The following KDM4C variants were observed in gnomAD, a reference collection of about 807,000 sequenced individuals.
The protein encoded by KDM4C is lysine-specific demethylase 4C.
A neutral mutation model predicts 129.3 loss-of-function variants in KDM4C; 81 were observed. The ratio of observed to expected loss-of-function variants is 0.63; its 90% confidence interval spans 0.52 to 0.75. The LOEUF is 0.75. Ranked by LOEUF, KDM4C falls within the 30% of genes least tolerant of loss-of-function variation. The pLI, the probability that KDM4C is intolerant of heterozygous loss-of-function variation, is 0.00. For synonymous variants in KDM4C, 573 were observed against 456.1 expected, an observed-to-expected ratio of 1.26 and a Z score of -3.26; for missense variants, 1,457 against 1,304.0, an observed-to-expected ratio of 1.12 and a Z score of -1.81.
intron 12 of KDM4C, among the ~76,000 whole-genome samples, chr9:6,998,044 G>C (rs1353004267): frequency 6.6e-6 from 1 of 152,170 alleles, no homozygotes; most frequent in Non-Finnish European, 1.5e-5. Context: ...TTTTGGGTCT[G>C]ATTTTCTCTA....
intron 18 of KDM4C, among the ~76,000 whole-genome samples, chr9:7,125,541 T>A (rs1208828611): frequency 6.6e-6 from 1 of 152,238 alleles, no homozygotes; most frequent in Admixed American, 6.5e-5. Context: ...TGGGAATGTC[T>A]TTGTTTGGTT....
At chr9:6,977,243 A>G (rs968612585) in intron 8 of KDM4C, among the ~76,000 whole-genome samples, 2 of 152,170 alleles carry the variant, frequency 1.3e-5, no homozygotes, top group Non-Finnish European at 2.9e-5. Context: ...GATCTTCTAC[A>G]TTGGGTTCTT....
At chr9:6,733,889 G>C (rs989406038) in intron 1 of KDM4C, among the ~76,000 whole-genome samples, 8 of 152,144 alleles carry the variant, frequency 5.3e-5, no homozygotes, top group Non-Finnish European at 2.9e-5. Flanking sequence ...TTTGTAAACT[G>C]TCATGGCGCT....
intron 4 of KDM4C, among the ~76,000 whole-genome samples, chr9:6,840,066 C>T (rs962700457): frequency 1.3e-5 from 2 of 151,680 alleles, no homozygotes; most frequent in East Asian, 1.9e-4. Flanking sequence ...ACTAACTGTT[C>T]TGTTATAATT....
chr9:6,945,910 C>T lies in KDM4C; in HGVS notation c.922-35015C>T, dbSNP rs528198017. Among the ~76,000 whole-genome samples, 387 of 152,234 alleles carry T rather than the reference C, an allele frequency of 2.5e-3. 2 individuals carry two copies. Among genetic ancestry groups the T allele is most frequent in the African/African-American group, 9.1e-3 (379 of 41,540 alleles). ...AATCAGAAGCAGCACAGTTGGAACT[C>T]ACAGATTTTATGATATTTTATTTGG... On this transcript the variant is annotated intron_variant, in intron 8 of 21. Transcript: ENST00000381309.
At chr9:7,082,047 G>T (rs1010834819) in intron 17 of KDM4C, among the ~76,000 whole-genome samples, 2 of 152,136 alleles carry the variant, frequency 1.3e-5, no homozygotes, top group Non-Finnish European at 2.9e-5. Context: ...AAGCATCATG[G>T]TGGCCCTGAG....
At chr9:6,998,964 C>T (rs1214992775) in intron 12 of KDM4C, among the ~76,000 whole-genome samples, 5 of 152,100 alleles carry the variant, frequency 3.3e-5, no homozygotes, top group African/African-American at 9.7e-5. Flanking sequence ...TGGGATTTCC[C>T]GTGGTATTTT....
intron 4 of KDM4C, among the ~76,000 whole-genome samples, chr9:6,822,268 A>G (rs1833163165): frequency 6.6e-6 from 1 of 152,234 alleles, no homozygotes. Context: ...ATGGCCTTCA[A>G]AGCCTAATAT....
chr9:6,840,603 G>A (rs1439952134), intron 4 of KDM4C, among the ~76,000 whole-genome samples: 4 of 151,956 alleles, frequency 2.6e-5, no homozygotes, highest in African/African-American at 9.7e-5. Context: ...CACCATATTG[G>A]CCAGGCTGGT....
rs1830134347 is a variant in KDM4C, at chr9:6,962,030, T to G, written c.922-18895T>G. Among the ~76,000 whole-genome samples, 3 of 152,174 alleles carry G rather than the reference T, an allele frequency of 2.0e-5. No individual in the cohort carries two copies. In the South Asian group the frequency reaches 6.2e-4, roughly 31 times the overall value. On this transcript the variant is annotated intron_variant, in intron 8 of 21. Transcript: ENST00000381309. ...TGGTAACATTAACTTCGTTATGTACTTATGTCAGAGTCGTGAGGAACCCTA... is the reference window on the plus strand; with the variant it reads ...TGGTAACATTAACTTCGTTATGTACGTATGTCAGAGTCGTGAGGAACCCTA...
intron 17 of KDM4C, chr9:7,076,633 C>A: frequency 7.4e-7 from 1 of 1,347,498 alleles, no homozygotes; most frequent in Non-Finnish European, 9.5e-7. Context: ...TTGAGTCAGA[C>A]CCTGGACTTT....
intron 8 of KDM4C, among the ~76,000 whole-genome samples, chr9:6,913,809 C>T (rs1819785239): frequency 6.6e-6 from 1 of 152,204 alleles, no homozygotes; most frequent in Non-Finnish European, 1.5e-5. Flanking sequence ...GTGTATTTGA[C>T]ATCCTTTGAG....
intron 3 of KDM4C, among the ~76,000 whole-genome samples, chr9:6,811,160 CTT>C (rs1006437594): frequency 6.6e-6 from 1 of 151,184 alleles, no homozygotes; most frequent in Non-Finnish European, 1.5e-5. Flanking sequence ...GCTGGGCTGT[CTT>C]TTTTTTTCTG....
chr9:6,859,496 A>G lies in KDM4C; in HGVS notation c.629+9796A>G, dbSNP rs1268188006. 5.4e-5 allele frequency among the ~76,000 whole-genome samples: 8 copies of G among 148,080 alleles called. No individual in the cohort carries two copies. In the East Asian group the frequency reaches 7.8e-4, roughly 14 times the overall value. On this transcript the variant is annotated intron_variant, in intron 5 of 21. Coordinates refer to ENST00000381309, the MANE Select transcript of KDM4C (RefSeq NM_015061.6). The stretch of plus-strand genomic sequence containing the variant: ...CTCAAAAAAAAAAAAAAAAAAAAAA[A>G]AGAAATCGTCTCTGGTAACACAGAC...
intron 15 of KDM4C, among the ~76,000 whole-genome samples, chr9:7,028,393 C>A (rs934722169): frequency 6.6e-6 from 1 of 151,774 alleles, no homozygotes; most frequent in East Asian, 1.9e-4. Flanking sequence ...AGGAGCTAGG[C>A]CCTGCAATGG....
Position 7,141,322 on chromosome 9 carries a change from A to G in KDM4C, c.2781+13086A>G, listed in dbSNP as rs145480590. 9.1e-4 allele frequency among the ~76,000 whole-genome samples: 138 copies of G among 152,260 alleles called. 2 individuals carry two copies. Among genetic ancestry groups the G allele is most frequent in the African/African-American group, 3.1e-3 (130 of 41,528 alleles). ...GGATGGCTTCAGGCTGCTAAAATAC[A>G]GACTATAAGAGACTATAAAAGCCTA... On this transcript the variant is annotated intron_variant, in intron 19 of 21. Transcript: ENST00000381309.
chr9:6,871,472 C>T (rs1563734158), intron 5 of KDM4C, among the ~76,000 whole-genome samples: 1 of 152,126 alleles, frequency 6.6e-6, no homozygotes, highest in South Asian at 2.1e-4. Flanking sequence ...CTGTAAATAT[C>T]TAATTAGTGT....
At chr9:7,087,965 A>C (rs1835333733) in intron 17 of KDM4C, among the ~76,000 whole-genome samples, 1 of 152,232 alleles carries the variant, frequency 6.6e-6, no homozygotes, top group South Asian at 2.1e-4. Flanking sequence ...AGTGATTTTT[A>C]AATGTGGCTT....
chr9:6,964,905 G>C (rs965839214), intron 8 of KDM4C, among the ~76,000 whole-genome samples: 2 of 151,796 alleles, frequency 1.3e-5, no homozygotes, highest in African/African-American at 4.8e-5. Flanking sequence ...AGTGAGCCGA[G>C]ATCGCGCCAT....
Sources: gnomAD v4.1 joint callset for allele counts (sites outside exome capture counted in the v4.1 genomes callset) on GRCh38, gnomAD v4.1.1 for gene constraint, MANE v1.5 for transcripts, NCBI Gene and HGNC (gene_info 2026-07-23, HGNC 2026-07-21) for gene names.